Variants in MRPS28 observed in about 807,000 individuals in gnomAD.
The protein encoded by MRPS28 is mitochondrial ribosomal protein S28.
In MRPS28, 7 loss-of-function variants were observed where a neutral mutation model predicts 10.8. The ratio of observed to expected loss-of-function variants is 0.65; its 90% CI spans 0.37 to 1.22. The LOEUF (loss-of-function observed/expected upper bound fraction) is 1.22. MRPS28 is among the 50% of genes most tolerant of loss of function. The pLI is 0.02. For missense variants in MRPS28, 265 were observed against 232.9 expected, an observed-to-expected ratio of 1.14 and a Z score of -0.90; for synonymous variants, 121 against 93.3, an observed-to-expected ratio of 1.30 and a Z score of -1.71.
chr8:79,936,076 G>C (rs773108421), intron 2 of MRPS28, among the ~76,000 whole-genome samples: 10 of 151,788 alleles, frequency 6.6e-5, no homozygotes, highest in Non-Finnish European at 1.0e-4. Flanking sequence ...GCCAGGTGTG[G>C]TGGCTCATGC....
At chr8:79,949,679 T>C (rs1807031857) in intron 2 of MRPS28, among the ~76,000 whole-genome samples, 2 of 152,226 alleles carry the variant, frequency 1.3e-5, no homozygotes, top group Admixed American at 1.3e-4. Context: ...ATAATAATTG[T>C]TGTTTTCCTC....
intron 2 of MRPS28, among the ~76,000 whole-genome samples, chr8:79,973,693 G>C (rs1351249842): frequency 6.6e-6 from 1 of 152,014 alleles, no homozygotes; most frequent in Non-Finnish European, 1.5e-5. Flanking sequence ...ATTTGGCCAA[G>C]TATCAGCAAC....
intron 1 of MRPS28, chr8:80,028,877 C>T (rs1809568532): frequency 6.5e-6 from 1 of 153,496 alleles, no homozygotes; most frequent in Non-Finnish European, 1.5e-5. Flanking sequence ...AGGAGGATCA[C>T]TTGAGCCCAG....
chr8:79,968,129 G>A (rs1461249011), intron 2 of MRPS28, among the ~76,000 whole-genome samples: 3 of 151,756 alleles, frequency 2.0e-5, no homozygotes, highest in Non-Finnish European at 2.9e-5. Flanking sequence ...ACAATACCAC[G>A]GTCTTAATTT....
intron 2 of MRPS28, among the ~76,000 whole-genome samples, chr8:79,995,917 A>G (rs1237526385): frequency 1.3e-5 from 2 of 152,218 alleles, no homozygotes; most frequent in Admixed American, 6.5e-5. Context: ...AAAAGCAGAC[A>G]AGGGCATAAC....
intron 2 of MRPS28, among the ~76,000 whole-genome samples, chr8:79,954,389 G>A (rs923151688): frequency 6.6e-6 from 1 of 151,946 alleles, no homozygotes; most frequent in African/African-American, 2.4e-5. Flanking sequence ...CCAAAAAGGG[G>A]GAAACAGGAG....
At position 79,947,986 on chromosome 8, in the gene MRPS28, T is replaced by C. The variant is rs549690943; in HGVS notation, c.396-28838A>G. ...ATATATAGTGTTAAATTTTTCTTTT[T>C]TTCTTCTTTTTTTTTTTTTGAGATG... On this transcript the variant is annotated intron_variant, in intron 2 of 2. Coordinates refer to ENST00000276585, the MANE Select transcript of MRPS28 (RefSeq NM_014018.3). 6.4e-4 allele frequency among the ~76,000 whole-genome samples: 96 copies of C among 149,216 alleles called. 2 individuals are homozygous for C. The South Asian group carries it at 0.014, about 22-fold the overall frequency.
chr8:79,937,577 ATAAC>A (rs2129918827), intron 2 of MRPS28, among the ~76,000 whole-genome samples: 1 of 152,340 alleles, frequency 6.6e-6, no homozygotes, highest in African/African-American at 2.4e-5. Context: ...TAAACAACAA[ATAAC>A]TAAAATTTGT....
At chr8:79,925,259 T>C (rs77702329) in intron 2 of MRPS28, among the ~76,000 whole-genome samples, 2,009 of 151,196 alleles carry the variant, frequency 0.013, 47 homozygotes, top group African/African-American at 0.046. Context: ...AAAAAACTAA[T>C]GATTATCACT....
intron 2 of MRPS28, among the ~76,000 whole-genome samples, chr8:79,944,202 C>A (rs563205607): frequency 6.6e-6 from 1 of 152,178 alleles, no homozygotes; most frequent in Non-Finnish European, 1.5e-5. Flanking sequence ...TTTCAGAATG[C>A]AGTGGAGCAT....
chr8:79,933,876 T>C (rs76732408), intron 2 of MRPS28, among the ~76,000 whole-genome samples: 2,913 of 152,334 alleles, frequency 0.019, 84 homozygotes, highest in African/African-American at 0.064. Flanking sequence ...AAGATATTTA[T>C]TCTTTTACTG....
At chr8:80,011,780 A>C (rs1809058563) in intron 1 of MRPS28, among the ~76,000 whole-genome samples, 1 of 152,208 alleles carries the variant, frequency 6.6e-6, no homozygotes, top group Admixed American at 6.5e-5. Context: ...AAAACAAAAA[A>C]CAAAACAAAA....
At chr8:79,920,019 C>G (rs573690122) in intron 2 of MRPS28, among the ~76,000 whole-genome samples, 2 of 141,060 alleles carry the variant, frequency 1.4e-5, no homozygotes, top group African/African-American at 5.3e-5. Context: ...CAGTTCCCAC[C>G]TATAAGTGAG....
chr8:79,964,958 T>C (rs1807467918), intron 2 of MRPS28, among the ~76,000 whole-genome samples: 1 of 152,148 alleles, frequency 6.6e-6, no homozygotes, highest in South Asian at 2.1e-4. Context: ...TATGAAGATA[T>C]CCTATTTACC....
intron 2 of MRPS28, among the ~76,000 whole-genome samples, chr8:79,993,926 C>T (rs1214323288): frequency 6.6e-6 from 1 of 152,196 alleles, no homozygotes; most frequent in Non-Finnish European, 1.5e-5. Flanking sequence ...GTTTATTCCA[C>T]CTTAGTGTCA....
chr8:79,928,500 C>A (rs1292990208), intron 2 of MRPS28, among the ~76,000 whole-genome samples: 1 of 151,940 alleles, frequency 6.6e-6, no homozygotes, highest in Admixed American at 6.6e-5. Context: ...AATACTGTGG[C>A]ACAATCTCAG....
intron 1 of MRPS28, 49 bp from the exon 2 acceptor site, chr8:80,003,229 A>C: frequency 7.8e-7 from 1 of 1,282,590 alleles, no homozygotes; most frequent in Non-Finnish European, 1.0e-6. Context: ...ACATGAAGGT[A>C]TAATAAAGTC....
intron 2 of MRPS28, among the ~76,000 whole-genome samples, chr8:79,928,534 G>A (rs999479130): frequency 6.6e-6 from 1 of 151,716 alleles, no homozygotes; most frequent in Non-Finnish European, 1.5e-5. Flanking sequence ...CCACCTCCCG[G>A]GTTCAAGAAA....
intron 2 of MRPS28, among the ~76,000 whole-genome samples, chr8:79,973,204 C>T (rs943953211): frequency 5.9e-5 from 9 of 152,278 alleles, no homozygotes; most frequent in African/African-American, 1.9e-4. Flanking sequence ...TCAAGGGGTT[C>T]TGCTTCCATT....
Sources: gnomAD v4.1 joint callset for allele counts (sites outside exome capture counted in the v4.1 genomes callset) on GRCh38, gnomAD v4.1.1 for gene constraint, MANE v1.5 for transcripts, NCBI Gene and HGNC (gene_info 2026-07-23, HGNC 2026-07-21) for gene names.